The following DNAH11 variants were observed in gnomAD, a reference collection of about 807,000 sequenced individuals.
DNAH11 encodes the protein dynein axonemal heavy chain 11.
DNAH11 carries 442 observed loss-of-function variants against 526.0 expected under a neutral mutation model. The observed-to-expected ratio is 0.84, with a 90% CI of 0.78 to 0.91. The LOEUF (loss-of-function observed/expected upper bound fraction) is 0.91. DNAH11 is among the 40% of genes least tolerant of loss of function. The pLI is 0.00. For synonymous variants in DNAH11, 2,461 were observed against 1,935.9 expected, an observed-to-expected ratio of 1.27 and a Z score of -7.12; for missense variants, 6,989 against 5,448.7, an observed-to-expected ratio of 1.28 and a Z score of -8.90.
chr7:21,556,585 G>T (rs1190001627), intron 2 of DNAH11, among the ~76,000 whole-genome samples: 15 of 152,120 alleles, frequency 9.9e-5, no homozygotes, highest in Admixed American at 9.8e-4. Context: ...GGTAAATTGT[G>T]CATCATGGGA....
chr7:21,697,066 G>A (rs78218137), intron 35 of DNAH11, among the ~76,000 whole-genome samples: 5,698 of 152,180 alleles, frequency 0.037, 270 homozygotes, highest in African/African-American at 0.11. Context: ...ATACTTTAAG[G>A]TTAGATGTTT....
intron 76 of DNAH11, among the ~76,000 whole-genome samples, chr7:21,886,343 T>G (rs562673984): frequency 1.8e-4 from 28 of 152,198 alleles, no homozygotes; most frequent in Non-Finnish European, 4.0e-4. Flanking sequence ...TGTATTTTAG[T>G]CTAATATAGA....
Position 21,893,982 on chromosome 7 carries a change from G to A in DNAH11, c.12751-641G>A, listed in dbSNP as rs117192627. ...TGGCTCACTGCAACCTCTAACTCTC[G>A]GATTCAAGCGATTTTCGTGCCTCAG... On this transcript the variant is annotated intron_variant, in intron 77 of 81. Transcript: ENST00000409508. Among the ~76,000 whole-genome samples the A allele has an allele frequency of 1.9e-3, 293 of 152,246 alleles. 5 individuals are homozygous for A. In the East Asian group the frequency reaches 0.038, roughly 20 times the overall value.
At chr7:21,744,712 G>T in intron 50 of DNAH11, 113 bp downstream of exon 50, 1 of 1,451,468 alleles carries the variant, frequency 6.9e-7, no homozygotes, top group South Asian at 1.3e-5. Context: ...TTTTGCAATG[G>T]CTGTGAATCC....
At chr7:21,753,348 G>A (rs1423701086) in intron 54 of DNAH11, among the ~76,000 whole-genome samples, 1 of 152,198 alleles carries the variant, frequency 6.6e-6, no homozygotes, top group Non-Finnish European at 1.5e-5. Flanking sequence ...CTACTAAGGA[G>A]TCTGAGGGAG....
At chr7:21,631,894 G>C (rs558918696) in intron 25 of DNAH11, among the ~76,000 whole-genome samples, 52 of 152,288 alleles carry the variant, frequency 3.4e-4, no homozygotes, top group Middle Eastern at 3.4e-3. Context: ...GACTTTGTGT[G>C]GGGGCTCTGA....
At chr7:21,889,604 G>T (rs971621144) in intron 76 of DNAH11, among the ~76,000 whole-genome samples, 1 of 152,208 alleles carries the variant, frequency 6.6e-6, no homozygotes, top group African/African-American at 2.4e-5. Context: ...TGGAGGTACA[G>T]TGGTGTCACA....
intron 14 of DNAH11, among the ~76,000 whole-genome samples, chr7:21,597,166 C>T (rs1784892880): frequency 6.6e-6 from 1 of 152,146 alleles, no homozygotes; most frequent in Admixed American, 6.5e-5. Flanking sequence ...TAAAGCTCTC[C>T]TTTCTCTTCC....
chr7:21,790,630 T>G (rs1386100345), intron 61 of DNAH11, among the ~76,000 whole-genome samples: 1 of 152,090 alleles, frequency 6.6e-6, no homozygotes, highest in Non-Finnish European at 1.5e-5. Context: ...AGTTCTTTAG[T>G]GAAGGTGGAT....
At chr7:21,795,185 A>G (rs146970478) in intron 61 of DNAH11, among the ~76,000 whole-genome samples, 7 of 152,290 alleles carry the variant, frequency 4.6e-5, no homozygotes, top group South Asian at 2.1e-4. Context: ...TTTACATTTA[A>G]CATTTAAAAA....
At chr7:21,576,934 G>A (rs1784119019) in intron 8 of DNAH11, among the ~76,000 whole-genome samples, 1 of 152,002 alleles carries the variant, frequency 6.6e-6, no homozygotes, top group South Asian at 2.1e-4. Flanking sequence ...TAAAATAACA[G>A]TATCTGAGAA....
chr7:21,692,863 TC>T (rs1783689411), intron 35 of DNAH11, among the ~76,000 whole-genome samples: 1 of 152,212 alleles, frequency 6.6e-6, no homozygotes, highest in Non-Finnish European at 1.5e-5. Context: ...TTTTAGCCAA[TC>T]TAATAGATAG....
rs139580381 is a variant in DNAH11, at chr7:21,627,617, A to G, written c.4500+7539A>G. 4.2e-4 allele frequency among the ~76,000 whole-genome samples: 64 copies of G among 152,194 alleles called. No homozygotes were observed. The East Asian group carries it at 0.011, about 27-fold the overall frequency. On this transcript the variant is annotated intron_variant, in intron 25 of 81. Coordinates refer to ENST00000409508, the MANE Select transcript of DNAH11 (RefSeq NM_001277115.2). Reference sequence around the variant, plus strand: ...GTATGGGTTTATATCTTGGGTCTCTATTCTGTTCCATTGGTCTCTGTGTCT... The same window carrying G: ...GTATGGGTTTATATCTTGGGTCTCTGTTCTGTTCCATTGGTCTCTGTGTCT...
chr7:21,661,666 A>G (rs1187712461), intron 30 of DNAH11, among the ~76,000 whole-genome samples: 1 of 152,058 alleles, frequency 6.6e-6, no homozygotes, highest in Non-Finnish European at 1.5e-5. Context: ...GATTAAGTAG[A>G]CTCAAATCTC....
rs191011620 is a variant in DNAH11 at position 21,600,780 on chromosome 7, G to A, written c.3105G>A (p.Glu1035=). The change falls in exon 16 of 82, where the codon GAG becomes GAA. Residue 1035 remains glutamate, a synonymous_variant. Transcript: ENST00000409508. ...TCTTAGATTTCAGAAACACCCTGGA[G>A]ACCCACACTTACCTCTGGGTGGATG... ...NKVLDFRNTL[E]THTYLWVDDR... 1,726 of 1,613,854 alleles carry A rather than the reference G, an allele frequency of 1.1e-3. 13 individuals are homozygous for A. The African/African-American group carries it at 0.02, about 18-fold the overall frequency.
chr7:21,745,175 G>A, intron 51 of DNAH11, 112 bp downstream of exon 51: 1 of 1,068,236 alleles, frequency 9.4e-7, no homozygotes, highest in South Asian at 1.8e-5. Flanking sequence ...GTTCTTATCT[G>A]CTGTTTGACA....
chr7:21,735,587 C>G (rs72657359), intron 45 of DNAH11, 53 bp from the exon 46 acceptor site: 268 of 1,508,476 alleles, frequency 1.8e-4, no homozygotes, highest in Non-Finnish European at 2.2e-4. Context: ...CTCTCTCTCG[C>G]ACGCACTCTC....
chr7:21,847,888 G>A (rs1031973285), intron 66 of DNAH11, among the ~76,000 whole-genome samples: 2 of 151,974 alleles, frequency 1.3e-5, no homozygotes, highest in African/African-American at 4.8e-5. Context: ...GCTTTCGACC[G>A]GGTGCAGTGG....
intron 18 of DNAH11, 148 bp from the exon 19 acceptor site, chr7:21,606,278 A>C: frequency 1.5e-6 from 1 of 653,322 alleles, no homozygotes; most frequent in East Asian, 2.8e-5. Flanking sequence ...AGCTGAGATC[A>C]TGCCAGTGCA....
Sources: gnomAD v4.1 joint callset for allele counts (sites outside exome capture counted in the v4.1 genomes callset) on GRCh38, gnomAD v4.1.1 for gene constraint, MANE v1.5 for transcripts, NCBI Gene and HGNC (gene_info 2026-07-23, HGNC 2026-07-21) for gene names.